The following KCNH2 variants were observed in gnomAD, a reference collection of about 807,000 sequenced individuals.
KCNH2 encodes voltage-gated inwardly rectifying potassium channel KCNH2.
A neutral mutation model predicts 95.9 loss-of-function variants in KCNH2; 35 were observed. The observed-to-expected ratio is 0.37, with a 90% confidence interval of 0.28 to 0.48. The LOEUF is 0.48. KCNH2 is among the 20% of genes least tolerant of loss of function. KCNH2 has a pLI of 0.99. For missense variants in KCNH2, 1,274 were observed against 1,702.9 expected (o/e 0.75, Z 4.43); for synonymous variants, 786 against 754.7 (o/e 1.04, Z -0.68).
At position 150,965,328 on chromosome 7, in the gene KCNH2, C is replaced by T. The variant is rs576448232; in HGVS notation, c.308-5592G>A. On this transcript the variant is annotated intron_variant, in intron 2 of 14. Coordinates refer to ENST00000262186, the MANE Select transcript of KCNH2 (RefSeq NM_000238.4). ...TGCATGTGGCATGCCTGAGCCATCT[C>T]TGCCCCGGACCACAGCAATGCCTCA... 2.6e-5 allele frequency among the ~76,000 whole-genome samples: 4 copies of T among 152,312 alleles called. 1 individual carries two copies. The South Asian group carries it at 8.3e-4, about 32-fold the overall frequency.
chr7:150,953,542 G>A (rs1801263085), intron 5 of KCNH2, among the ~76,000 whole-genome samples: 1 of 152,146 alleles, frequency 6.6e-6, no homozygotes, highest in African/African-American at 2.4e-5. Flanking sequence ...AGAGGGACGT[G>A]CACACAGGGA....
At chr7:150,959,893 G>A in intron 2 of KCNH2, 157 bp from the exon 3 acceptor site, 3 of 834,744 alleles carry the variant, frequency 3.6e-6, no homozygotes, top group Non-Finnish European at 5.9e-6. Context: ...CCCCCACCCG[G>A]CCATGTGCCT....
intron 5 of KCNH2, among the ~76,000 whole-genome samples, chr7:150,955,048 T>C (rs976676243): frequency 1.3e-5 from 2 of 152,158 alleles, no homozygotes; most frequent in Non-Finnish European, 2.9e-5. Context: ...TGCCGGCTTC[T>C]CCTGGTCCTG....
rs1195321672 is a variant in KCNH2, at chr7:150,965,551, C to A, written c.308-5815G>T. 2.6e-5 allele frequency among the ~76,000 whole-genome samples: 4 copies of A among 152,304 alleles called. No individual in the cohort carries two copies. In the East Asian group the frequency reaches 7.7e-4, roughly 29 times the overall value. The stretch of plus-strand genomic sequence containing the variant: ...TGAGTCCCGGGCAGTTGCGCCCCAG[C>A]TTCAGCCCTTCCCTCCTGCTCCCCA... On this transcript the variant is annotated intron_variant, in intron 2 of 14. Transcript: ENST00000262186.
In KCNH2 at chr7:150,950,341, G is replaced by A. The variant is rs776365689; in HGVS notation, c.2225C>T (p.Pro742Leu). The A allele has an allele frequency of 1.9e-6, 3 of 1,613,426 alleles. No homozygotes were observed. Among genetic ancestry groups the A allele is most frequent in the Non-Finnish European group, 2.5e-6 (3 of 1,179,898 alleles). The change falls in exon 9 of 15, where the codon CCC becomes CTC. Residue 742 changes from proline to leucine, a missense_variant. Around this residue, in one of 7 missense-constraint regions of KCNH2, gnomAD observed 159 missense variants for 282.5 expected, o/e 0.56. Transcript: ENST00000262186. ...LNRSLLQHCK[P>L]FRGATKGCLR... ...GCAGCCCTTGGTGGCCCCTCGGAAG[G>A]GTTTGCAGTGCTGCAGCAGTGAGCG...
In KCNH2 at chr7:150,957,608, A is replaced by G. The variant is rs1801420681; in HGVS notation, c.917-106T>C. On this transcript the variant is annotated intron_variant, in intron 4 of 14. Transcript: ENST00000262186. ...CCAGGCCCTGCACAGTCAGGAGTCC[A>G]TGGGGTCAGCTCAAGAGACCAGGGG... 4.9e-6 allele frequency: 4 copies of G among 822,138 alleles called. No individual in the cohort carries two copies. The East Asian group carries it at 1.0e-4, about 21-fold the overall frequency. 50.9% of individuals were successfully genotyped at this position (822,138 alleles called of 1,614,324 possible). A position where few individuals can be genotyped will look rare whatever the true frequency, so the allele number is the denominator to read the frequency against.
rs2116951065 is a variant in KCNH2, at chr7:150,950,429, A to C, written c.2146-9T>G. On this transcript the variant is annotated splice_polypyrimidine_tract_variant and intron_variant, in intron 8 of 14. Coordinates refer to ENST00000262186, the MANE Select transcript of KCNH2 (RefSeq NM_000238.4). ...GGGAAGCCCTTCAGCACCTGGGGGC[A>C]GGGTGGGGGCAGCTCAGCACACCCT... The C allele has an allele frequency of 6.2e-7, 1 of 1,610,758 alleles. No homozygotes were observed.
Position 150,947,367 on chromosome 7 carries a change from A to T in KCNH2, c.3113T>A (p.Val1038Glu). 1.3e-6 allele frequency: 2 copies of T among 1,546,126 alleles called. No homozygotes were observed. Among genetic ancestry groups the T allele is most frequent in the South Asian group, 1.2e-5 (1 of 83,890 alleles). ...SSPGRRPRGD[V>E]ESRLDALQRQ... ...CTGGAGGGCATCCAGCCTGCTCTCC[A>T]CGTCGCCCCGGGGCCGCCGACCCGG... is the stretch of plus-strand genomic sequence containing the variant. The change falls in exon 13 of 15, where the codon GTG becomes GAG. Residue 1038 changes from valine (V) to glutamate (E), a missense_variant. Val to Glu is a moderately radical substitution (Grantham distance 121, BLOSUM62 -2). Around this residue, in one of 7 missense-constraint regions of KCNH2, gnomAD observed 457 missense variants for 416.1 expected, o/e 1.10. Coordinates refer to ENST00000262186, the MANE Select transcript of KCNH2 (RefSeq NM_000238.4).
intron 2 of KCNH2, among the ~76,000 whole-genome samples, chr7:150,965,847 G>C (rs1388352663): frequency 6.6e-6 from 1 of 152,128 alleles, no homozygotes; most frequent in Non-Finnish European, 1.5e-5. Context: ...GGTGGGGACA[G>C]GCCATGTCCC....
chr7:150,949,568 T>C, intron 9 of KCNH2: 1 of 1,028,962 alleles, frequency 9.7e-7, no homozygotes. Flanking sequence ...TTTGTGTTTG[T>C]ACAGAGCTGA....
At chr7:150,971,327 C>T (rs1049734364) in intron 2 of KCNH2, among the ~76,000 whole-genome samples, 2 of 152,158 alleles carry the variant, frequency 1.3e-5, no homozygotes, top group African/African-American at 4.8e-5. Context: ...GCACAGTGCA[C>T]TGGGGAGCAG....
intron 12 of KCNH2, 21 bp downstream of exon 12, chr7:150,947,585 C>T: frequency 6.2e-7 from 1 of 1,610,880 alleles, no homozygotes; most frequent in South Asian, 1.1e-5. Flanking sequence ...TCCTCCCTCG[C>T]CCGCCCGTCG....
In KCNH2 at chr7:150,946,428, G is replaced by A. The variant is rs1464589577; in HGVS notation, c.3330+449C>T. On this transcript the variant is annotated intron_variant, in intron 14 of 14. Coordinates refer to ENST00000262186, the MANE Select transcript of KCNH2 (RefSeq NM_000238.4). The surrounding 1 kb of genome is among the most constrained non-coding windows in gnomAD (Gnocchi z 6.5). ...ATGGGCAGGACGGTGAGACCAGGGA[G>A]TGTCACTCACAGAAGGGACCCGGGA... is the stretch of plus-strand genomic sequence containing the variant. Among the ~76,000 whole-genome samples the A allele has an allele frequency of 6.6e-6, 1 of 152,232 alleles. No individual in the cohort carries two copies. The highest frequency in any genetic ancestry group is 6.5e-5 in the Admixed American group (1 of 15,288).
chr7:150,959,492 G>T (rs1318820808), intron 3 of KCNH2, 80 bp downstream of exon 3: 2 of 1,523,598 alleles, frequency 1.3e-6, no homozygotes, highest in Non-Finnish European at 1.8e-6. Context: ...TTCCTGCAGA[G>T]CGTTGACCTT....
At position 150,957,299 on chromosome 7, in the gene KCNH2, C is replaced by A; in HGVS notation, c.1120G>T (p.Val374Phe). 1 of 1,575,720 alleles carries A rather than the reference C, an allele frequency of 6.3e-7. No individual in the cohort carries two copies. The highest frequency in any genetic ancestry group is 8.6e-7 in the Non-Finnish European group (1 of 1,160,516). Residue 374 changes from valine (V) to phenylalanine (F), a missense_variant, in exon 5 of 15, where the codon GTC becomes TTC. Around this residue, in one of 7 missense-constraint regions of KCNH2, gnomAD observed 392 missense variants for 429.9 expected, o/e 0.91. Coordinates refer to ENST00000262186, the MANE Select transcript of KCNH2 (RefSeq NM_000238.4). The stretch of plus-strand genomic sequence containing the variant: ...GGCCGCTGGGCGCCTACCTGGGTGA[C>A]CTTCTCAGTGACATTGTGGGTTCGC... ...KERTHNVTEKVTQVLSLGADV... is the reference protein window; with the variant it reads ...KERTHNVTEKFTQVLSLGADV...
chr7:150,951,064 A>C lies in KCNH2; in HGVS notation c.2002T>G (p.Ser668Ala). 6.2e-7 allele frequency: 1 copy of C among 1,613,878 alleles called. No homozygotes were observed. Reference sequence around the variant, plus strand: ...TGTGTGTGGTAGCGGGCTGTGCCCGAGTACAGCCGCTGGATGATGGCCGAC... The same window carrying C: ...TGTGTGTGGTAGCGGGCTGTGCCCGCGTACAGCCGCTGGATGATGGCCGAC... ...NVSAIIQRLY[S>A]GTARYHTQML... The change falls in exon 8 of 15, where the codon TCG becomes GCG. Residue 668 changes from serine to alanine, a missense_variant. By Grantham distance (99) the Ser-to-Ala change is moderately conservative (BLOSUM62 1). This residue lies in a region of KCNH2 where 159 missense variants were observed against 282.5 expected (regional missense o/e 0.56). Coordinates refer to ENST00000262186, the MANE Select transcript of KCNH2 (RefSeq NM_000238.4).
chr7:150,950,238 G>A lies in KCNH2; in HGVS notation c.2328C>T (p.Leu776=), dbSNP rs747861687. The change falls in exon 9 of 15, where the codon CTC becomes CTT. Residue 776 remains leucine, a synonymous_variant. Transcript: ENST00000262186. ...GDTLVHAGDL[L]TALYFISRGS... is the part of the protein sequence containing the mutation. ...CCCGGGAGATGAAGTACAGGGCGGT[G>A]AGCAGGTCCCCAGCATGCACCAGTG... The A allele has an allele frequency of 1.9e-6, 3 of 1,613,502 alleles. No homozygotes were observed. Among genetic ancestry groups the A allele is most frequent in the South Asian group, 2.2e-5 (2 of 91,048 alleles).
rs750668456 is a variant in KCNH2 at position 150,947,759 on chromosome 7, G to T, written c.2812C>A (p.Pro938Thr). 1 of 1,542,850 alleles carries T rather than the reference G, an allele frequency of 6.5e-7. No homozygotes were observed. Among genetic ancestry groups the T allele is most frequent in the South Asian group, 1.2e-5 (1 of 84,352 alleles). ...GGGCCCTCATCCTCACTGCTCTCAG[G>T]GCTGGAGGGGCCACTGGACGGGCTC... The part of the protein sequence containing the change: ...GESPSSGPSS[P>T]ESSEDEGPGR... Residue 938 changes from proline (P) to threonine (T), a missense_variant, in exon 12 of 15, where the codon CCT (proline) becomes ACT (threonine). Physicochemically the swap from Pro to Thr is conservative, Grantham distance 38. Around this residue, in one of 7 missense-constraint regions of KCNH2, gnomAD observed 457 missense variants for 416.1 expected, o/e 1.10. Coordinates refer to ENST00000262186, the MANE Select transcript of KCNH2 (RefSeq NM_000238.4).
At chr7:150,954,118 C>A (rs570100598) in intron 5 of KCNH2, among the ~76,000 whole-genome samples, 6 of 152,176 alleles carry the variant, frequency 3.9e-5, no homozygotes, top group African/African-American at 1.4e-4. Flanking sequence ...AGATGGGCTG[C>A]GGGAGCAGCT....
Sources: gnomAD v4.1 joint callset for allele counts (sites outside exome capture counted in the v4.1 genomes callset) on GRCh38, gnomAD v4.1.1 for gene constraint, gnomAD v4.1.1 regional missense constraint, Gnocchi (gnomAD v3.1) non-coding constraint, MANE v1.5 for transcripts, NCBI Gene and HGNC (gene_info 2026-07-23, HGNC 2026-07-21) for gene names.